CDH4: variants seen among roughly 807,000 people sequenced by gnomAD.
CDH4 encodes cadherin-4.
CDH4 carries 33 observed loss-of-function variants against 86.0 expected under a neutral mutation model. That is an observed-to-expected ratio of 0.38 (90% CI 0.29 to 0.51). The LOEUF (loss-of-function observed/expected upper bound fraction) is 0.51. Among genes scored for constraint, CDH4 ranks in the 20% least tolerant of loss-of-function variants. The probability of loss-of-function intolerance (pLI) is 0.86; values close to 1 mark genes in which losing one functional copy is unlikely to be tolerated. For synonymous variants in CDH4, 555 were observed against 549.4 expected, an observed-to-expected ratio of 1.01 and a Z score of -0.14; for missense variants, 1,114 against 1,307.4, an observed-to-expected ratio of 0.85 and a Z score of 2.28.
At chr20:61,900,017 C>T (rs1985311488) in intron 8 of CDH4, among the ~76,000 whole-genome samples, 1 of 152,212 alleles carries the variant, frequency 6.6e-6, no homozygotes, top group Non-Finnish European at 1.5e-5. Context: ...CCCGAGGATG[C>T]TGCCTGCGGT....
At chr20:61,714,260 A>G (rs1288503849) in intron 2 of CDH4, among the ~76,000 whole-genome samples, 2 of 151,820 alleles carry the variant, frequency 1.3e-5, no homozygotes, top group Non-Finnish European at 2.9e-5. Context: ...GTTAGCCAGG[A>G]TGGTCTCCAT....
At chr20:61,520,879 C>T (rs2085863905) in intron 2 of CDH4, among the ~76,000 whole-genome samples, 2 of 152,326 alleles carry the variant, frequency 1.3e-5, no homozygotes, top group South Asian at 4.1e-4. Context: ...ATTCAGAGTT[C>T]AAACAGGCAA....
intron 2 of CDH4, among the ~76,000 whole-genome samples, chr20:61,443,371 C>A (rs1356489956): frequency 5.3e-5 from 8 of 152,138 alleles, no homozygotes; most frequent in Admixed American, 5.2e-4. Flanking sequence ...CCCTGAGCCG[C>A]TGTTATTTAA....
In CDH4 at chr20:61,811,381, G is replaced by A. The variant is rs1340598982; in HGVS notation, c.577-33287G>A. On this transcript the variant is annotated intron_variant, in intron 4 of 15. Coordinates refer to ENST00000614565, the MANE Select transcript of CDH4 (RefSeq NM_001794.5). The surrounding 1 kb of genome is among the most constrained non-coding windows in gnomAD (Gnocchi z 4.4). ...ACACAGACACAGCCCAGGAGAAAAAGCAGTGACCATTTGCCTGAAATCAAG... is the reference window on the plus strand; with the variant it reads ...ACACAGACACAGCCCAGGAGAAAAAACAGTGACCATTTGCCTGAAATCAAG... 6.6e-6 allele frequency among the ~76,000 whole-genome samples: 1 copy of A among 152,190 alleles called. No homozygotes were observed. Among genetic ancestry groups the A allele is most frequent in the African/African-American group, 2.4e-5 (1 of 41,454 alleles).
intron 2 of CDH4, among the ~76,000 whole-genome samples, chr20:61,365,740 G>A (rs2123326649): frequency 6.6e-6 from 1 of 152,248 alleles, no homozygotes; most frequent in African/African-American, 2.4e-5. Context: ...GGCTGCAATG[G>A]GGCGTGCCTG....
chr20:61,685,140 G>C (rs2087560175), intron 2 of CDH4, among the ~76,000 whole-genome samples: 1 of 152,204 alleles, frequency 6.6e-6, no homozygotes, highest in Non-Finnish European at 1.5e-5. Flanking sequence ...TCCGTCTCTA[G>C]ATGTGTCTAG....
chr20:61,301,681 A>G (rs1034453137), intron 2 of CDH4, among the ~76,000 whole-genome samples: 1 of 152,248 alleles, frequency 6.6e-6, no homozygotes, highest in South Asian at 2.1e-4. Flanking sequence ...TATTAAAATT[A>G]CTATTAAGAC....
chr20:61,746,518 A>T (rs1324609056), intron 3 of CDH4, among the ~76,000 whole-genome samples: 1 of 152,088 alleles, frequency 6.6e-6, no homozygotes, highest in African/African-American at 2.4e-5. Flanking sequence ...TGCACAGGAG[A>T]ACTGATGTGT....
intron 2 of CDH4, among the ~76,000 whole-genome samples, chr20:61,576,472 ATCTCACCAGGATCTAGGACAGCAC>A (rs1239808869): frequency 6.6e-6 from 1 of 152,168 alleles, no homozygotes; most frequent in African/African-American, 2.4e-5. Flanking sequence ...CTGATTACCC[ATCTCACCAGGATCTAGGACAGCAC>A]CTGGCTTGGA....
intron 2 of CDH4, among the ~76,000 whole-genome samples, chr20:61,655,515 C>T (rs117231348): frequency 4.0e-4 from 61 of 152,356 alleles, no homozygotes; most frequent in Non-Finnish European, 7.9e-4. Context: ...TGACCACTGC[C>T]GTGTTCTCCT....
chr20:61,379,085 G>C (rs979990535), intron 2 of CDH4, among the ~76,000 whole-genome samples: 2 of 152,134 alleles, frequency 1.3e-5, no homozygotes, highest in Non-Finnish European at 1.5e-5. Context: ...GCCGGGTAGG[G>C]GGTTGGGAAA....
chr20:61,819,197 C>T (rs529609217), intron 4 of CDH4, among the ~76,000 whole-genome samples: 121 of 152,330 alleles, frequency 7.9e-4, no homozygotes, highest in Admixed American at 2.2e-3. Flanking sequence ...TCAGACAGCC[C>T]CACGGCCAGG....
intron 2 of CDH4, among the ~76,000 whole-genome samples, chr20:61,652,942 T>TTTTATTTTTTTATTTA (rs2087139907): frequency 9.1e-6 from 1 of 109,470 alleles, no homozygotes; most frequent in African/African-American, 3.2e-5. Flanking sequence ...TTATTTATTT[T>TTTTATTTTTTTATTTA]TTTTTTTTTT....
intron 2 of CDH4, among the ~76,000 whole-genome samples, chr20:61,493,842 G>A (rs958503079): frequency 2.0e-5 from 3 of 152,194 alleles, no homozygotes; most frequent in African/African-American, 7.2e-5. Flanking sequence ...CGCTACAGGT[G>A]GCCCCCACCC....
At chr20:61,695,255 C>T (rs1297436147) in intron 2 of CDH4, among the ~76,000 whole-genome samples, 3 of 152,356 alleles carry the variant, frequency 2.0e-5, no homozygotes, top group African/African-American at 4.8e-5. Context: ...CTGCCTCTGC[C>T]GGAGGTTACA....
At chr20:61,506,018 C>T (rs1344121946) in intron 2 of CDH4, among the ~76,000 whole-genome samples, 2 of 152,210 alleles carry the variant, frequency 1.3e-5, no homozygotes, top group Non-Finnish European at 2.9e-5. Flanking sequence ...ATGCAGTTCA[C>T]ACTGGATGGG....
chr20:61,798,492 A>C (rs534052486), intron 4 of CDH4, among the ~76,000 whole-genome samples: 2 of 152,062 alleles, frequency 1.3e-5, no homozygotes, highest in South Asian at 4.1e-4. Context: ...CGCTGATTCC[A>C]CTGCAGGCGG....
At chr20:61,780,257 C>G (rs1181452521) in intron 4 of CDH4, among the ~76,000 whole-genome samples, 1 of 152,122 alleles carries the variant, frequency 6.6e-6, no homozygotes, top group Non-Finnish European at 1.5e-5. Flanking sequence ...TGCACAAGCT[C>G]CCCCCTCAGC....
intron 2 of CDH4, among the ~76,000 whole-genome samples, chr20:61,565,692 C>G (rs1209154313): frequency 6.6e-6 from 1 of 152,156 alleles, no homozygotes; most frequent in African/African-American, 2.4e-5. Flanking sequence ...TTGCTCACCC[C>G]TGAGAACAGA....
Sources: allele counts gnomAD v4.1 joint callset (sites outside exome capture counted in the v4.1 genomes callset), GRCh38; gene constraint gnomAD v4.1.1; non-coding constraint Gnocchi (gnomAD v3.1); transcripts MANE v1.5; gene names NCBI Gene and HGNC (gene_info 2026-07-23, HGNC 2026-07-21).